The following POU6F2 variants were observed in gnomAD, a reference collection of about 807,000 sequenced individuals.
The protein encoded by POU6F2 is POU domain, class 6, transcription factor 2.
POU6F2 carries 31 observed loss-of-function variants against 71.3 expected under a neutral mutation model. That is an observed-to-expected ratio of 0.43 (90% CI 0.33 to 0.59). The LOEUF (loss-of-function observed/expected upper bound fraction) is 0.59. POU6F2 is among the 20% of genes least tolerant of loss of function. The pLI is 0.04. For synonymous variants in POU6F2, 347 were observed against 355.7 expected (o/e 0.98, Z 0.27); for missense variants, 783 against 856.8 (o/e 0.91, Z 1.07).
At chr7:39,289,236 CA>C (rs1178148192) in intron 4 of POU6F2, among the ~76,000 whole-genome samples, 1 of 152,160 alleles carries the variant, frequency 6.6e-6, no homozygotes, top group Non-Finnish European at 1.5e-5. Context: ...GCCACACATA[CA>C]GGGGGCCACT....
intron 1 of POU6F2, among the ~76,000 whole-genome samples, chr7:39,055,578 T>C (rs1032609157): frequency 2.0e-5 from 3 of 152,184 alleles, no homozygotes; most frequent in Non-Finnish European, 4.4e-5. Flanking sequence ...TAGAAGCAAA[T>C]AGGAATATTT....
At chr7:39,382,641 A>G (rs1380890807) in intron 5 of POU6F2, among the ~76,000 whole-genome samples, 1 of 152,244 alleles carries the variant, frequency 6.6e-6, no homozygotes. Context: ...GGAGGCTGTC[A>G]GACTGGAAGG....
Position 39,025,234 on chromosome 7 carries a change from G to A in POU6F2, c.105+47176G>A, listed in dbSNP as rs747455465. ...CAACTTCTTCCTGGTTTAGTCTTGG[G>A]AGAGTGTATGTGTCAGGGAATTTAT... On this transcript the variant is annotated intron_variant, in intron 1 of 9. Coordinates refer to ENST00000518318, the MANE Select transcript of POU6F2 (RefSeq NM_001370959.1). Among the ~76,000 whole-genome samples, 130 of 152,076 alleles carry A rather than the reference G, an allele frequency of 8.5e-4. 1 individual carries two copies. Among genetic ancestry groups the A allele is most frequent in the Admixed American group, 2.2e-3 (34 of 15,250 alleles).
intron 4 of POU6F2, among the ~76,000 whole-genome samples, chr7:39,214,459 T>C (rs1284815229): frequency 6.6e-6 from 1 of 152,226 alleles, no homozygotes; most frequent in African/African-American, 2.4e-5. Context: ...TTTCTGAGCA[T>C]TTTGGGTGAT....
chr7:39,175,595 T>C (rs1188227063), intron 2 of POU6F2, among the ~76,000 whole-genome samples: 1 of 152,172 alleles, frequency 6.6e-6, no homozygotes, highest in East Asian at 1.9e-4. Flanking sequence ...ATTAATATAC[T>C]GCTAATAAAG....
intron 2 of POU6F2, among the ~76,000 whole-genome samples, chr7:39,190,316 A>G (rs991829317): frequency 6.6e-6 from 1 of 151,028 alleles, no homozygotes; most frequent in Admixed American, 6.6e-5. Context: ...CATATAATAC[A>G]TAGATTTGTG....
intron 2 of POU6F2, among the ~76,000 whole-genome samples, chr7:39,176,334 C>A (rs542231289): frequency 1.3e-5 from 2 of 152,206 alleles, no homozygotes; most frequent in Admixed American, 6.5e-5. Context: ...TGCTTAAATT[C>A]GAGGAAAAAT....
intron 5 of POU6F2, among the ~76,000 whole-genome samples, chr7:39,384,908 A>G (rs1467998782): frequency 6.6e-6 from 1 of 152,234 alleles, no homozygotes; most frequent in Non-Finnish European, 1.5e-5. Flanking sequence ...TGTCCTCTAA[A>G]TAAATCCTCA....
chr7:39,243,750 C>G (rs1206088882), intron 4 of POU6F2, among the ~76,000 whole-genome samples: 3 of 151,858 alleles, frequency 2.0e-5, no homozygotes, highest in Non-Finnish European at 4.4e-5. Context: ...AAACCCAGCT[C>G]TGTTAGGATA....
chr7:39,078,670 T>C (rs116019081), intron 1 of POU6F2, among the ~76,000 whole-genome samples: 1,927 of 152,236 alleles, frequency 0.013, 40 homozygotes, highest in African/African-American at 0.043. Context: ...TCAGCAAACT[T>C]TTTCTGTAAA....
At chr7:39,188,233 A>G (rs1318751581) in intron 2 of POU6F2, among the ~76,000 whole-genome samples, 2 of 152,222 alleles carry the variant, frequency 1.3e-5, no homozygotes, top group African/African-American at 4.8e-5. Context: ...TAAATAACTT[A>G]TCAAAAATCA....
chr7:39,014,988 A>G (rs1789433488), intron 1 of POU6F2, among the ~76,000 whole-genome samples: 1 of 152,136 alleles, frequency 6.6e-6, no homozygotes. Context: ...ATGGTACACC[A>G]TAAATGATCG....
At chr7:39,161,486 G>A (rs988654923) in intron 2 of POU6F2, among the ~76,000 whole-genome samples, 2 of 152,190 alleles carry the variant, frequency 1.3e-5, no homozygotes, top group African/African-American at 2.4e-5. Context: ...ATATGTTGGT[G>A]TAGGTATTAA....
At chr7:39,056,581 G>T (rs145268971) in intron 1 of POU6F2, among the ~76,000 whole-genome samples, 1 of 151,702 alleles carries the variant, frequency 6.6e-6, no homozygotes, top group East Asian at 1.9e-4. Flanking sequence ...TAAAAACTCA[G>T]GACTTCCCAG....
chr7:39,217,068 C>A (rs1217992255), intron 4 of POU6F2, among the ~76,000 whole-genome samples: 1 of 152,082 alleles, frequency 6.6e-6, no homozygotes, highest in East Asian at 1.9e-4. Flanking sequence ...CGAATACTTT[C>A]TATTCATTAA....
At chr7:39,181,536 T>C (rs1037635744) in intron 2 of POU6F2, among the ~76,000 whole-genome samples, 5 of 152,162 alleles carry the variant, frequency 3.3e-5, no homozygotes, top group Non-Finnish European at 7.3e-5. Context: ...AGGGAACAGA[T>C]ATATCTTTTG....
At chr7:39,398,292 A>G (rs902049564) in intron 5 of POU6F2, among the ~76,000 whole-genome samples, 4 of 152,054 alleles carry the variant, frequency 2.6e-5, no homozygotes, top group Non-Finnish European at 5.9e-5. Flanking sequence ...ATAATATAAT[A>G]TCAGACTCTA....
rs1281942830 is a variant in POU6F2 at position 39,387,487 on chromosome 7, C to T, written c.973-19113C>T. ...GAATGTACTCTCTACAGTTCCATTA[C>T]GTCTCTAACAAATACACTAGTTTTT... On this transcript the variant is annotated intron_variant, in intron 5 of 9. Transcript: ENST00000518318. Among the ~76,000 whole-genome samples the T allele has an allele frequency of 5.9e-5, 9 of 152,306 alleles. 1 individual carries two copies. Among genetic ancestry groups the T allele is most frequent in the South Asian group, 4.2e-4 (2 of 4,816 alleles).
chr7:39,154,465 T>A (rs566266602), intron 2 of POU6F2, among the ~76,000 whole-genome samples: 2 of 152,350 alleles, frequency 1.3e-5, no homozygotes, highest in South Asian at 4.1e-4. Context: ...GTTACTGTTA[T>A]GTGCTCATGT....
Sources: gnomAD v4.1 joint callset for allele counts (sites outside exome capture counted in the v4.1 genomes callset) on GRCh38, gnomAD v4.1.1 for gene constraint, MANE v1.5 for transcripts, NCBI Gene and HGNC (gene_info 2026-07-23, HGNC 2026-07-21) for gene names.